FADS6: variants seen among roughly 807,000 people sequenced by gnomAD.
FADS6 encodes the protein fatty acid desaturase domain family, member 6.
FADS6 carries 28 observed loss-of-function variants against 31.7 expected under a neutral mutation model. That is an observed-to-expected ratio of 0.88 (90% CI 0.66 to 1.21). FADS6 has a LOEUF of 1.21. Among genes scored for constraint, FADS6 ranks in the 50% most tolerant of loss-of-function variants. The pLI, the probability that FADS6 is intolerant of heterozygous loss-of-function variation, is 0.00. For missense variants in FADS6, 494 were observed against 504.2 expected, an observed-to-expected ratio of 0.98 and a Z score of 0.19; for synonymous variants, 191 against 213.1, an observed-to-expected ratio of 0.90 and a Z score of 0.90.
intron 3 of FADS6, 135 bp downstream of exon 3, chr17:74,882,395 A>G (rs1369250025): frequency 9.5e-7 from 1 of 1,049,468 alleles, no homozygotes; most frequent in African/African-American, 1.6e-5. Context: ...GGCTCTTTCT[A>G]CCTTGCCATG....
At chr17:74,876,287 T>C (rs958896717), downstream of FADS6, among the ~76,000 whole-genome samples, 3 of 152,142 alleles carry the variant, frequency 2.0e-5, no homozygotes, top group Admixed American at 6.6e-5. Context: ...TCAGGAGGCC[T>C]TTCACTCTAT....
At chr17:74,885,481 T>C (rs1264916527) in intron 2 of FADS6, among the ~76,000 whole-genome samples, 1 of 152,112 alleles carries the variant, frequency 6.6e-6, no homozygotes, top group East Asian at 1.9e-4. Context: ...GCTCATGCTG[T>C]GGGAGCCAGC....
Position 74,893,358 on chromosome 17 carries a change from G to T in FADS6, c.238C>A (p.Pro80Thr), listed in dbSNP as rs2038713179. The T allele has an allele frequency of 4.0e-6, 6 of 1,518,528 alleles. No individual in the cohort carries two copies. The highest frequency in any genetic ancestry group is 4.4e-6 in the Non-Finnish European group (5 of 1,137,920). The allele number at this position is 1,518,528 out of a possible 1,614,324, so 94.1% of individuals were successfully genotyped here. The change falls in exon 1 of 6, where the codon CCG becomes ACG. Residue 80 changes from proline to threonine, a missense_variant. Physicochemically the swap from Pro to Thr is conservative, Grantham distance 38. Transcript: ENST00000612771. ...AILALSLFAL[P>T]AGFLCLRWEN... ...GGGTCCCCGCGTTCCTCACCTGCCG[G>T]CAAGGCGAAGAGGCTGAGCGCGAGG...
rs1304683013 is a variant in FADS6 at position 74,877,397 on chromosome 17, A to T, written c.*934T>A. 6.6e-6 allele frequency: 1 copy of T among 151,184 alleles called. No homozygotes were observed. The highest frequency in any genetic ancestry group is 2.4e-5 in the African/African-American group (1 of 41,108). 9.4% of individuals were successfully genotyped at this position (151,184 alleles called of 1,614,324 possible). On this transcript the variant is annotated 3_prime_UTR_variant, in exon 6 of 6. Transcript: ENST00000612771. ...CACCCAGGCTGGAATGCAATGGTGCAATCTTGGCTCACTGCAACCTCCACC... is the reference window on the plus strand; with the variant it reads ...CACCCAGGCTGGAATGCAATGGTGCTATCTTGGCTCACTGCAACCTCCACC...
chr17:74,882,507 G>A, intron 3 of FADS6, 23 bp downstream of exon 3: 3 of 1,595,924 alleles, frequency 1.9e-6, no homozygotes, highest in Non-Finnish European at 1.7e-6. Flanking sequence ...GGACACTGCG[G>A]ACCGGGCTCT....
Position 74,881,229 on chromosome 17 carries a change from T to C in FADS6, c.619A>G (p.Thr207Ala). The part of the protein sequence containing the change: ...VERLRKVELG[T>A]ALRTLALISL... ...ATCAGGGCCAGCGTCCGCAGGGCTG[T>C]CCCGAGCTCCACCTTCCTCAGCCGC... Residue 207 changes from threonine (T) to alanine (A), a missense_variant, in exon 4 of 6, where the codon ACA becomes GCA. Physicochemically the swap from Thr to Ala is moderately conservative, Grantham distance 58. This residue lies in a region of FADS6 where 454 missense variants were observed against 438.5 expected (regional missense o/e 1.04). Transcript: ENST00000612771. The C allele has an allele frequency of 6.2e-7, 1 of 1,603,302 alleles. No individual in the cohort carries two copies. The highest frequency in any genetic ancestry group is 1.1e-5 in the South Asian group (1 of 89,586).
intron 1 of FADS6, among the ~76,000 whole-genome samples, chr17:74,892,917 GGGC>G (rs1406757351): frequency 6.6e-6 from 1 of 152,082 alleles, no homozygotes; most frequent in Non-Finnish European, 1.5e-5. Flanking sequence ...GCGTGGTCCT[GGGC>G]CCCCAGCCAA....
intron 4 of FADS6, 22 bp downstream of exon 4, chr17:74,881,045 GC>G: frequency 6.2e-7 from 1 of 1,602,256 alleles, no homozygotes; most frequent in Non-Finnish European, 8.5e-7. Context: ...GCTGCCCAGC[GC>G]CCCAGGTTGG....
At chr17:74,880,504 G>A (rs1478522765) in intron 4 of FADS6, among the ~76,000 whole-genome samples, 1 of 151,946 alleles carries the variant, frequency 6.6e-6, no homozygotes, top group Non-Finnish European at 1.5e-5. Flanking sequence ...ACTGGTGCTC[G>A]CCACTATGCC....
chr17:74,893,260 C>G (rs979708581), intron 1 of FADS6, 92 bp downstream of exon 1: 2 of 1,358,442 alleles, frequency 1.5e-6, no homozygotes, highest in Non-Finnish European at 1.9e-6. Flanking sequence ...TGCACTCCCA[C>G]GGCTGCTGTT....
rs1310860779 is a variant in FADS6, at chr17:74,877,626, C to T, written c.*705G>A. The T allele has an allele frequency of 1.1e-6, 1 of 944,014 alleles. No homozygotes were observed. Among genetic ancestry groups the T allele is most frequent in the Non-Finnish European group, 1.3e-6 (1 of 792,380 alleles). 58.5% of individuals were successfully genotyped at this position (944,014 alleles called of 1,614,324 possible). ...GGGATTACAGGCATGAGCCACCGCC[C>T]CTGGCTGGCTATTTATACTCTTTCC... On this transcript the variant is annotated 3_prime_UTR_variant, in exon 6 of 6. Transcript: ENST00000612771.
At chr17:74,881,466 G>A (rs574131259) in intron 3 of FADS6, among the ~76,000 whole-genome samples, 2 of 152,278 alleles carry the variant, frequency 1.3e-5, no homozygotes, top group East Asian at 1.9e-4. Context: ...GGGAGGCCAC[G>A]GCAAGCAGAT....
At chr17:74,878,863 G>A (rs2038535224) in intron 5 of FADS6, among the ~76,000 whole-genome samples, 1 of 152,160 alleles carries the variant, frequency 6.6e-6, no homozygotes, top group South Asian at 2.1e-4. Flanking sequence ...GAGGCCTAGA[G>A]GCATTCAGTT....
chr17:74,878,021 C>A lies in FADS6; in HGVS notation c.*310G>T. ...CCCTGTCACCTCCCTTTAACCCTAC[C>A]AAGGCTCAGATGGAGCAGGGGGAAG... On this transcript the variant is annotated 3_prime_UTR_variant, in exon 6 of 6. Coordinates refer to ENST00000612771, the MANE Select transcript of FADS6 (RefSeq NM_178128.6). 2.7e-6 allele frequency: 3 copies of A among 1,129,050 alleles called. No individual in the cohort carries two copies. The highest frequency in any genetic ancestry group is 3.8e-4 in the Middle Eastern group (1 of 2,652). 69.9% of individuals were successfully genotyped at this position (1,129,050 alleles called of 1,614,324 possible).
At chr17:74,885,051 G>A (rs1283018152) in intron 2 of FADS6, among the ~76,000 whole-genome samples, 1 of 151,944 alleles carries the variant, frequency 6.6e-6, no homozygotes, top group Non-Finnish European at 1.5e-5. Context: ...CTCTCACCAA[G>A]ACAACACCAA....
chr17:74,892,432 C>G, intron 2 of FADS6, 91 bp downstream of exon 2: 1 of 1,469,000 alleles, frequency 6.8e-7, no homozygotes, highest in Non-Finnish European at 9.1e-7. Context: ...TGGGCACATG[C>G]ACAGCTGGAC....
rs1424695955 is a variant in FADS6 at position 74,882,676 on chromosome 17, T to C, written c.446A>G (p.His149Arg). ...CTAFTAEHAT[H>R]GHVKMHHAYT... ...GGCATGGTGCATCTTGACGTGCCCA[T>C]GCGTGGCGTGCTCTGCAGTGAAGGC... is the stretch of plus-strand genomic sequence containing the variant. The change falls in exon 3 of 6, where the codon CAT becomes CGT. Residue 149 changes from histidine to arginine, a missense_variant. Physicochemically the swap from His to Arg is conservative, Grantham distance 29. Transcript: ENST00000612771. 5 of 1,611,068 alleles carry C rather than the reference T, an allele frequency of 3.1e-6. No homozygotes were observed. Among genetic ancestry groups the C allele is most frequent in the African/African-American group, 2.7e-5 (2 of 74,894 alleles).
At chr17:74,884,460 C>T (rs1009102160) in intron 2 of FADS6, among the ~76,000 whole-genome samples, 1 of 152,172 alleles carries the variant, frequency 6.6e-6, no homozygotes, top group Non-Finnish European at 1.5e-5. Flanking sequence ...TTAGGCCATT[C>T]TTGCATTGCT....
chr17:74,879,826 A>G (rs2038548977), intron 4 of FADS6, among the ~76,000 whole-genome samples: 1 of 152,138 alleles, frequency 6.6e-6, no homozygotes, highest in South Asian at 2.1e-4. Context: ...CACACCTCTC[A>G]GGTCCCATGG....
Sources: gnomAD v4.1 joint callset for allele counts (sites outside exome capture counted in the v4.1 genomes callset) on GRCh38, gnomAD v4.1.1 for gene constraint, gnomAD v4.1.1 regional missense constraint, MANE v1.5 for transcripts, NCBI Gene and HGNC (gene_info 2026-07-23, HGNC 2026-07-21) for gene names.